SHROOM3: variants seen among roughly 807,000 people sequenced by gnomAD.
SHROOM3 encodes shroom family member 3, also known as protein Shroom3.
A neutral mutation model predicts 138.6 loss-of-function variants in SHROOM3; 47 were observed. The ratio of observed to expected loss-of-function variants is 0.34; its 90% CI spans 0.27 to 0.43. The LOEUF is 0.43. Among genes scored for constraint, SHROOM3 ranks in the 20% least tolerant of loss-of-function variants. SHROOM3 has a pLI of 1.00. For missense variants in SHROOM3, 2,491 were observed against 2,596.5 expected (o/e 0.96, Z 0.88); for synonymous variants, 1,062 against 1,063.3 (o/e 1.00, Z 0.02).
In SHROOM3 at chr4:76,741,167, CG is replaced by C; in HGVS notation, c.2995del (p.Val999CysfsTer13). The C allele has an allele frequency of 6.3e-7, 1 of 1,582,230 alleles. No individual in the cohort carries two copies. Among genetic ancestry groups the C allele is most frequent in the Non-Finnish European group, 8.6e-7 (1 of 1,165,394 alleles). Reference sequence around the variant, plus strand: ...CTGCTGAGGGCGACCTGGCCAGGCCCGTGCCCCCTGCCGCCCGGAGAGGTGC... The same window carrying C: ...CTGCTGAGGGCGACCTGGCCAGGCCCTGCCCCCTGCCGCCCGGAGAGGTGC... Reference protein sequence around the residue: ...TPAEGDLARPVPPAARRGARR... With the variant: ...TPAEGDLARPXPPAARRGARR... On this transcript the variant is annotated frameshift_variant, in exon 5 of 11. Transcript: ENST00000296043. LOFTEE classifies it high-confidence loss of function. The surrounding 1 kb of genome is among the most constrained non-coding windows in gnomAD (Gnocchi z 6.2).
chr4:76,739,161 C>A lies in SHROOM3; in HGVS notation c.988C>A (p.Leu330Ile). Residue 330 changes from leucine to isoleucine, a missense_variant, in exon 5 of 11, where the codon CTT becomes ATT. Transcript: ENST00000296043. ...EYEVNSSALLLQGREARASAN... is the reference protein window; with the variant it reads ...EYEVNSSALLIQGREARASAN... ...TGAGGTGAACTCTTCAGCCCTGCTG[C>A]TTCAAGGTAGGGAGGCCCGAGCCTC... 7 of 1,614,174 alleles carry A rather than the reference C, an allele frequency of 4.3e-6. No individual in the cohort carries two copies. The highest frequency in any genetic ancestry group is 5.9e-6 in the Non-Finnish European group (7 of 1,180,012).
intron 2 of SHROOM3, among the ~76,000 whole-genome samples, chr4:76,565,407 C>T (rs1255325973): frequency 6.6e-6 from 1 of 152,156 alleles, no homozygotes; most frequent in East Asian, 1.9e-4. Context: ...TTGGGCTACA[C>T]ATTGGAATTA....
At chr4:76,518,546 T>TCTTC (rs759245766) in intron 1 of SHROOM3, among the ~76,000 whole-genome samples, 6 of 146,408 alleles carry the variant, frequency 4.1e-5, no homozygotes, top group East Asian at 2.0e-4. Flanking sequence ...CTTCCTACCT[T>TCTTC]CTTCCTTCCT....
chr4:76,779,343 C>G lies in SHROOM3; in HGVS notation c.*166C>G. 1 of 843,884 alleles carries G rather than the reference C, an allele frequency of 1.2e-6. No homozygotes were observed. The highest frequency in any genetic ancestry group is 1.7e-5 in the African/African-American group (1 of 58,430). The allele number at this position is 843,884 out of a possible 1,614,324, so 52.3% of individuals were successfully genotyped here. ...GGAGGAAGCCTTTTTCCTTCTTGCC[C>G]TTCCTGATTGATCTTCTGAGAGCTC... On this transcript the variant is annotated 3_prime_UTR_variant, in exon 11 of 11. Coordinates refer to ENST00000296043, the MANE Select transcript of SHROOM3 (RefSeq NM_020859.4).
chr4:76,639,505 C>A (rs1309484023), intron 2 of SHROOM3: 3 of 398,346 alleles, frequency 7.5e-6, no homozygotes, highest in East Asian at 3.6e-5. Flanking sequence ...GCCTCTTCCT[C>A]TTCCCTCTGG....
chr4:76,567,506 C>T lies in SHROOM3; in HGVS notation c.323+11743C>T, dbSNP rs151269921. Among the ~76,000 whole-genome samples, 847 of 152,132 alleles carry T rather than the reference C, an allele frequency of 5.6e-3. 11 individuals are homozygous for T. The highest frequency in any genetic ancestry group is 0.019 in the African/African-American group (807 of 41,518). ...TCTATTAAAAATACAAAAAATTAGC[C>T]GGGCGTCGTGGTGAGCGCCTGTAGT... On this transcript the variant is annotated intron_variant, in intron 2 of 10. Transcript: ENST00000296043.
rs188444147 is a variant in SHROOM3, at chr4:76,460,400, G to A, written c.168+24180G>A. 5.9e-5 allele frequency among the ~76,000 whole-genome samples: 9 copies of A among 152,192 alleles called. No individual in the cohort carries two copies. In the South Asian group the frequency reaches 8.3e-4, roughly 14 times the overall value. ...AAGACAAAGACACTACCACCGTTGC[G>A]ACCTTTATGTATCTTACTATCTAAG... On this transcript the variant is annotated intron_variant, in intron 1 of 10. Coordinates refer to ENST00000296043, the MANE Select transcript of SHROOM3 (RefSeq NM_020859.4).
chr4:76,554,065 T>C (rs1733425480), intron 1 of SHROOM3, among the ~76,000 whole-genome samples: 1 of 152,198 alleles, frequency 6.6e-6, no homozygotes, highest in African/African-American at 2.4e-5. Context: ...TACAATATCA[T>C]ATCGAATGGT....
intron 1 of SHROOM3, among the ~76,000 whole-genome samples, chr4:76,479,277 G>C (rs1002712301): frequency 1.3e-5 from 2 of 151,794 alleles, no homozygotes; most frequent in African/African-American, 2.4e-5. Flanking sequence ...GTTTAGAGAA[G>C]AACATAAATG....
intron 2 of SHROOM3, among the ~76,000 whole-genome samples, chr4:76,705,900 C>T (rs571632821): frequency 6.6e-6 from 1 of 152,278 alleles, no homozygotes; most frequent in East Asian, 1.9e-4. Context: ...TTTAGCAGTA[C>T]AGTCGACCCT....
At chr4:76,665,164 G>T (rs1718658267) in intron 2 of SHROOM3, among the ~76,000 whole-genome samples, 1 of 152,280 alleles carries the variant, frequency 6.6e-6, no homozygotes, top group South Asian at 2.1e-4. Context: ...TGTGTACACA[G>T]TAGTACTAGG....
chr4:76,775,867 C>A (rs1046758977), intron 10 of SHROOM3, among the ~76,000 whole-genome samples: 9 of 150,976 alleles, frequency 6.0e-5, no homozygotes, highest in Non-Finnish European at 4.4e-5. Flanking sequence ...TTTTCTTTAT[C>A]CACTTGTTAA....
At chr4:76,606,007 A>ATTTTTTTT (rs1164704632) in intron 2 of SHROOM3, among the ~76,000 whole-genome samples, 5 of 77,822 alleles carry the variant, frequency 6.4e-5, no homozygotes, top group Admixed American at 1.8e-4. Flanking sequence ...ATATATATAT[A>ATTTTTTTT]TTTTTTTTTT....
At chr4:76,605,458 A>G (rs1734593814) in intron 2 of SHROOM3, among the ~76,000 whole-genome samples, 1 of 152,208 alleles carries the variant, frequency 6.6e-6, no homozygotes, top group Non-Finnish European at 1.5e-5. Flanking sequence ...TTTAGCCTCA[A>G]CACATCCCAT....
chr4:76,560,411 AT>A (rs1280882042), intron 2 of SHROOM3, among the ~76,000 whole-genome samples: 1 of 152,122 alleles, frequency 6.6e-6, no homozygotes. Flanking sequence ...ATAAATACAT[AT>A]TTTTACCCTG....
intron 2 of SHROOM3, among the ~76,000 whole-genome samples, chr4:76,566,853 G>A (rs1194538800): frequency 6.6e-6 from 1 of 152,230 alleles, no homozygotes; most frequent in South Asian, 2.1e-4. Flanking sequence ...TGGTTCTGTT[G>A]CTTTGGGCAT....
intron 2 of SHROOM3, among the ~76,000 whole-genome samples, chr4:76,643,211 CAAAAAAA>C (rs34800196): frequency 8.0e-6 from 1 of 125,168 alleles, no homozygotes; most frequent in Non-Finnish European, 1.7e-5. Flanking sequence ...GATGCTGTCT[CAAAAAAA>C]AAAAAAAAAA....
At chr4:76,640,385 A>T (rs1735632135) in intron 2 of SHROOM3, among the ~76,000 whole-genome samples, 1 of 152,240 alleles carries the variant, frequency 6.6e-6, no homozygotes, top group South Asian at 2.1e-4. Flanking sequence ...TCTTTAAGCC[A>T]GGTGCTCTTC....
intron 1 of SHROOM3, among the ~76,000 whole-genome samples, chr4:76,499,123 C>T (rs753719982): frequency 2.6e-5 from 4 of 152,164 alleles, no homozygotes; most frequent in Non-Finnish European, 5.9e-5. Flanking sequence ...AACTAAAACT[C>T]GGAGGTACCT....
Sources: allele counts gnomAD v4.1 joint callset (sites outside exome capture counted in the v4.1 genomes callset), GRCh38; gene constraint gnomAD v4.1.1; non-coding constraint Gnocchi (gnomAD v3.1); transcripts MANE v1.5; gene names NCBI Gene and HGNC (gene_info 2026-07-23, HGNC 2026-07-21).